TSC1: variants seen among roughly 807,000 people sequenced by gnomAD.
TSC1 encodes hamartin.
TSC1 carries 20 observed loss-of-function variants against 124.3 expected under a neutral mutation model. That is an observed-to-expected ratio of 0.16 (90% CI 0.11 to 0.23). The LOEUF (loss-of-function observed/expected upper bound fraction) is 0.23, where lower values mean the gene tolerates loss of function less well. Among genes scored for constraint, TSC1 ranks in the 10% least tolerant of loss-of-function variants. TSC1 has a pLI of 1.00. For synonymous variants in TSC1, 493 were observed against 539.1 expected (o/e 0.91, Z 1.19); for missense variants, 1,124 against 1,448.5 (o/e 0.78, Z 3.64).
At chr9:132,916,582 G>C (rs941575591) in intron 8 of TSC1, among the ~76,000 whole-genome samples, 2 of 152,208 alleles carry the variant, frequency 1.3e-5, no homozygotes, top group African/African-American at 2.4e-5. Context: ...CTGAGCCACA[G>C]AGTATACTAT....
rs1564477079 is a variant in TSC1, at chr9:132,902,635, C to G, written c.2361G>C (p.Glu787Asp). The G allele has an allele frequency of 6.2e-7, 1 of 1,614,190 alleles. No homozygotes were observed. Among genetic ancestry groups the G allele is most frequent in the Non-Finnish European group, 8.5e-7 (1 of 1,180,044 alleles). ...ATTCCTGGCTCTGGTTGTAGAATTC[C>G]TCTCGGTCATGCTGCAGCTGTCTGA... ...SQIRQLQHDR[E>D]EFYNQSQELQ... is the part of the protein sequence containing the mutation. Residue 787 changes from glutamate to aspartate, a missense_variant, in exon 18 of 23, where the codon GAG becomes GAC. Glu to Asp is a conservative substitution (Grantham distance 45). This residue lies in a region of TSC1 where 321 missense variants were observed against 397.4 expected (regional missense o/e 0.81). Coordinates refer to ENST00000298552, the MANE Select transcript of TSC1 (RefSeq NM_000368.5). This position sits in a 1 kb window ranked among gnomAD's most constrained non-coding sequence, Gnocchi z 5.2.
rs983214516 is a variant in TSC1, at chr9:132,894,608, T to G, written c.*1627A>C. ...CACCCAGAAAGCCTGCCTGAACAGG[T>G]TTTCTGCTGGTATAGCTAGGGTGAC... On this transcript the variant is annotated 3_prime_UTR_variant, in exon 23 of 23. Coordinates refer to ENST00000298552, the MANE Select transcript of TSC1 (RefSeq NM_000368.5). 8.9e-6 allele frequency: 2 copies of G among 225,868 alleles called. No individual in the cohort carries two copies. Among genetic ancestry groups the G allele is most frequent in the Admixed American group, 5.7e-5 (1 of 17,474 alleles). The allele number at this position is 225,868 out of a possible 1,614,324, so 14.0% of individuals were successfully genotyped here.
rs752558951 is a variant in TSC1, at chr9:132,902,385, G to A, written c.2391+220C>T. Among the ~76,000 whole-genome samples the A allele has an allele frequency of 5.9e-5, 9 of 152,148 alleles. No homozygotes were observed. Among genetic ancestry groups the A allele is most frequent in the Non-Finnish European group, 1.3e-4 (9 of 68,028 alleles). On this transcript the variant is annotated intron_variant, in intron 18 of 22. Coordinates refer to ENST00000298552, the MANE Select transcript of TSC1 (RefSeq NM_000368.5). The surrounding 1 kb of genome is among the most constrained non-coding windows in gnomAD (Gnocchi z 5.2). Reference sequence around the variant, plus strand: ...TGGCTGCAGAAAAAAAAATGACTGAGACACTAAGGGAGCTACTATATGAAC... The same window carrying A: ...TGGCTGCAGAAAAAAAAATGACTGAAACACTAAGGGAGCTACTATATGAAC...
At chr9:132,936,912 T>C (rs1847480441) in intron 1 of TSC1, among the ~76,000 whole-genome samples, 1 of 152,212 alleles carries the variant, frequency 6.6e-6, no homozygotes, top group Non-Finnish European at 1.5e-5. Flanking sequence ...AAAGTCAAAC[T>C]AGTGGACTGA....
rs1845130132 is a variant in TSC1 at position 132,897,320 on chromosome 9, T to C, written c.2839A>G (p.Arg947Gly). The C allele has an allele frequency of 6.2e-7, 1 of 1,614,240 alleles. No individual in the cohort carries two copies. The highest frequency in any genetic ancestry group is 8.5e-7 in the Non-Finnish European group (1 of 1,180,048). Residue 947 changes from arginine to glycine, a missense_variant, in exon 22 of 23, where the codon AGG (arginine) becomes GGG (glycine). Physicochemically the swap from Arg to Gly is moderately radical, Grantham distance 125. This residue lies in a region of TSC1 where 325 missense variants were observed against 383.4 expected (regional missense o/e 0.85). Coordinates refer to ENST00000298552, the MANE Select transcript of TSC1 (RefSeq NM_000368.5). ...ARGQLQAAESRYEAQKRITQV... is the reference protein window; with the variant it reads ...ARGQLQAAESGYEAQKRITQV... ...GTTATCCTTTTCTGAGCCTCATACC[T>C]GCTCTCTGCGGCCTGCAGCTGTCCT...
At chr9:132,898,718 A>G (rs1224157661) in intron 20 of TSC1, among the ~76,000 whole-genome samples, 2 of 152,224 alleles carry the variant, frequency 1.3e-5, no homozygotes, top group Admixed American at 6.5e-5. Context: ...ACTAATCCTT[A>G]CAGCTACCCC....
At chr9:132,919,702 G>C (rs560039093) in intron 8 of TSC1, among the ~76,000 whole-genome samples, 13 of 152,250 alleles carry the variant, frequency 8.5e-5, no homozygotes, top group Non-Finnish European at 1.3e-4. Flanking sequence ...CTGCACAGGA[G>C]AGAGGCGAAG....
rs1316500899 is a variant in TSC1, at chr9:132,895,470, A to G, written c.*765T>C. ...ACCACCTACACACCAGCCTGTGGTC[A>G]CAATAGTACCAGCATTCAAGCAAAC... On this transcript the variant is annotated 3_prime_UTR_variant, in exon 23 of 23. Transcript: ENST00000298552. 4.3e-6 allele frequency: 1 copy of G among 233,644 alleles called. No homozygotes were observed. The highest frequency in any genetic ancestry group is 8.5e-6 in the Non-Finnish European group (1 of 118,148). 14.5% of individuals were successfully genotyped at this position (233,644 alleles called of 1,614,324 possible).
chr9:132,932,740 C>A (rs1194785778), intron 2 of TSC1, among the ~76,000 whole-genome samples: 1 of 152,186 alleles, frequency 6.6e-6, no homozygotes, highest in Non-Finnish European at 1.5e-5. Context: ...TTGCTCAAGG[C>A]CTTTGCACTT....
At chr9:132,910,812 A>T in intron 11 of TSC1, 120 bp from the exon 12 acceptor site, 1 of 1,474,030 alleles carries the variant, frequency 6.8e-7, no homozygotes, top group Non-Finnish European at 9.5e-7. Flanking sequence ...CTTTCTGGGG[A>T]TCTAGATCAG....
intron 5 of TSC1, among the ~76,000 whole-genome samples, chr9:132,924,389 G>T (rs13295430): frequency 1.3e-5 from 2 of 152,004 alleles, no homozygotes; most frequent in Non-Finnish European, 2.9e-5. Flanking sequence ...CTTTCATTAC[G>T]GAAGATATCC....
chr9:132,898,817 C>T (rs1177974666), intron 20 of TSC1, among the ~76,000 whole-genome samples: 3 of 152,246 alleles, frequency 2.0e-5, no homozygotes, highest in African/African-American at 4.8e-5. Flanking sequence ...GGTTCAGGAG[C>T]AAATCCTGAC....
intron 3 of TSC1, 106 bp from the exon 4 acceptor site, chr9:132,927,410 T>C: frequency 9.7e-7 from 1 of 1,027,980 alleles, no homozygotes; most frequent in South Asian, 1.4e-5. Context: ...CTTTATATGC[T>C]ATTCTAAGTT....
At position 132,912,325 on chromosome 9, in the gene TSC1, G is replaced by A. The variant is rs779155575; in HGVS notation, c.870C>T (p.Ala290=). The A allele has an allele frequency of 4.3e-6, 7 of 1,614,114 alleles. No individual in the cohort carries two copies. The highest frequency in any genetic ancestry group is 2.2e-5 in the South Asian group (2 of 91,070). ...QISARFPHRS[A]DVTTSPYADT... is the part of the protein sequence containing the mutation. The stretch of plus-strand genomic sequence containing the variant: ...CAGCATAAGGGCTGGTGGTGACATC[G>A]GCTGAACGATGAGGAAAGCGGGCTG... Residue 290 remains alanine, a synonymous_variant, in exon 9 of 23, where the codon GCC becomes GCT. Coordinates refer to ENST00000298552, the MANE Select transcript of TSC1 (RefSeq NM_000368.5).
Position 132,906,541 on chromosome 9 carries a change from CCT to C in TSC1, c.1438+188_1438+189del, listed in dbSNP as rs1430665748. ...TCCAGCCAGGGTGACAGAGCAAGAC[CCT>C]GTCTCAAAAAAAAAAAAAAAAAAAG... On this transcript the variant is annotated intron_variant, in intron 14 of 22. Transcript: ENST00000298552. The surrounding 1 kb of genome is among the most constrained non-coding windows in gnomAD (Gnocchi z 4.1). 3 of 579,870 alleles carry C rather than the reference CCT, an allele frequency of 5.2e-6. No homozygotes were observed. The highest frequency in any genetic ancestry group is 4.0e-5 in the African/African-American group (2 of 50,520). 35.9% of individuals were successfully genotyped at this position (579,870 alleles called of 1,614,324 possible). A position where few individuals can be genotyped will look rare whatever the true frequency, so the allele number is the denominator to read the frequency against.
chr9:132,902,578 G>A lies in TSC1; in HGVS notation c.2391+27C>T, dbSNP rs112594402. The stretch of plus-strand genomic sequence containing the variant: ...ACTGCTCTCCGGCATTCTCGCAGTT[G>A]GCTTTGCCTGGTGCTGCAGTTTATA... On this transcript the variant is annotated intron_variant, in intron 18 of 22. Coordinates refer to ENST00000298552, the MANE Select transcript of TSC1 (RefSeq NM_000368.5). This position sits in a 1 kb window ranked among gnomAD's most constrained non-coding sequence, Gnocchi z 5.2. 2.5e-6 allele frequency: 4 copies of A among 1,613,176 alleles called. No homozygotes were observed. The highest frequency in any genetic ancestry group is 1.3e-5 in the African/African-American group (1 of 75,036).
In TSC1 at chr9:132,911,591, A is replaced by AGG. The variant is rs1230507305; in HGVS notation, c.914-25_914-24dup. ...ACCCTAAAATGGAAGAGAAGAACACAGGGGGTTAGTGTGTGGTTTTAGGTT... is the reference window on the plus strand; with the variant it reads ...ACCCTAAAATGGAAGAGAAGAACACAGGGGGGGTTAGTGTGTGGTTTTAGGTT... On this transcript the variant is annotated intron_variant, in intron 9 of 22. Transcript: ENST00000298552. 30 of 1,034,048 alleles carry AGG rather than the reference A, an allele frequency of 2.9e-5. 1 individual carries two copies. In the South Asian group the frequency reaches 3.4e-4, roughly 12 times the overall value. 64.1% of individuals were successfully genotyped at this position (1,034,048 alleles called of 1,614,324 possible).
chr9:132,917,994 T>G (rs1384138039), intron 8 of TSC1, among the ~76,000 whole-genome samples: 1 of 152,210 alleles, frequency 6.6e-6, no homozygotes, highest in Admixed American at 6.5e-5. Context: ...TGTTAAAACC[T>G]TCTTCCAAAG....
intron 1 of TSC1, among the ~76,000 whole-genome samples, chr9:132,943,137 A>G (rs150886485): frequency 6.6e-5 from 10 of 152,262 alleles, no homozygotes; most frequent in Admixed American, 1.3e-4. Flanking sequence ...TCCCAAAATT[A>G]TAAATCAAAG....
Sources: gnomAD v4.1 joint callset for allele counts (sites outside exome capture counted in the v4.1 genomes callset) on GRCh38, gnomAD v4.1.1 for gene constraint, gnomAD v4.1.1 regional missense constraint, Gnocchi (gnomAD v3.1) non-coding constraint, MANE v1.5 for transcripts, NCBI Gene and HGNC (gene_info 2026-07-23, HGNC 2026-07-21) for gene names.